ANKRD45: variants seen among roughly 807,000 people sequenced by gnomAD.
The protein encoded by ANKRD45 is ankyrin repeat domain-containing protein 45.
Under a neutral mutation model 28.1 loss-of-function variants are expected in ANKRD45, and 21 were observed. The ratio of observed to expected loss-of-function variants is 0.75; its 90% CI spans 0.53 to 1.08. The LOEUF (loss-of-function observed/expected upper bound fraction) is 1.08. Ranked by LOEUF, ANKRD45 falls within the 50% of genes least tolerant of loss-of-function variation. ANKRD45 has a pLI of 0.00. For missense variants in ANKRD45, 261 were observed against 308.7 expected (o/e 0.85, Z 1.16); for synonymous variants, 86 against 103.9 (o/e 0.83, Z 1.05).
intron 2 of ANKRD45, among the ~76,000 whole-genome samples, chr1:173,653,820 T>G (rs2102375381): frequency 6.6e-6 from 1 of 152,304 alleles, no homozygotes; most frequent in Middle Eastern, 3.4e-3. Flanking sequence ...AGTTAGCTCT[T>G]CTTGTTGAAT....
chr1:173,650,927 A>G (rs1669180512), intron 2 of ANKRD45, among the ~76,000 whole-genome samples: 1 of 152,034 alleles, frequency 6.6e-6, no homozygotes, highest in Non-Finnish European at 1.5e-5. Context: ...TCCTTTGCCC[A>G]CTTTTTGATG....
chr1:173,657,441 C>T (rs766210550), intron 2 of ANKRD45: 39 of 172,860 alleles, frequency 2.3e-4, no homozygotes, highest in South Asian at 5.7e-4. Context: ...GCACTCCAGC[C>T]TGGGTGACAG....
At chr1:173,640,727 C>G (rs1668663346) in intron 3 of ANKRD45, among the ~76,000 whole-genome samples, 1 of 152,190 alleles carries the variant, frequency 6.6e-6, no homozygotes, top group Non-Finnish European at 1.5e-5. Context: ...CTAACTGACA[C>G]AGTTATTCCT....
the ANKRD45 span, among the ~76,000 whole-genome samples, chr1:173,713,913 CTCTT>C: frequency 6.6e-6 from 1 of 152,192 alleles, no homozygotes. Context: ...TTGTGTAAAA[CTCTT>C]TCTCCATTGC....
chr1:173,653,499 A>C (rs556544427), intron 2 of ANKRD45, among the ~76,000 whole-genome samples: 7 of 152,168 alleles, frequency 4.6e-5, no homozygotes, highest in Non-Finnish European at 1.0e-4. Context: ...ACATTTGCTC[A>C]GGAGTGCTTT....
At chr1:173,688,636 CTGCCTCTTTCCT>C in the ANKRD45 span, among the ~76,000 whole-genome samples, 21 of 124,934 alleles carry the variant, frequency 1.7e-4, no homozygotes. Context: ...CTTCCTCTTT[CTGCCTCTTTCCT>C]CTCTCTCTTT....
At chr1:173,682,684 T>TACGCGCACACACACACACAC in the ANKRD45 span, among the ~76,000 whole-genome samples, 2 of 143,940 alleles carry the variant, frequency 1.4e-5, no homozygotes, top group Non-Finnish European at 3.1e-5. Flanking sequence ...GCCTTTTAAA[T>TACGCGCACACACACACACAC]ACACACACAC....
the ANKRD45 span, among the ~76,000 whole-genome samples, chr1:173,678,059 T>TA: frequency 1.3e-5 from 2 of 151,976 alleles, no homozygotes; most frequent in African/African-American, 4.8e-5. Flanking sequence ...TCATACCTTT[T>TA]AAAGGGGGAG....
At chr1:173,672,254 G>T (rs781572598), upstream of ANKRD45, among the ~76,000 whole-genome samples, 1 of 152,114 alleles carries the variant, frequency 6.6e-6, no homozygotes, top group Non-Finnish European at 1.5e-5. Flanking sequence ...TTATAGAGAG[G>T]AACAATAATC....
At position 173,608,566 on chromosome 1, in the gene ANKRD45, G is replaced by A. The variant is rs1667019056; in HGVS notation, c.*1579C>T. Among the ~76,000 whole-genome samples the A allele has an allele frequency of 6.6e-6, 1 of 151,862 alleles. No homozygotes were observed. Among genetic ancestry groups the A allele is most frequent in the South Asian group, 2.1e-4 (1 of 4,808 alleles). ...ACCGCTGACCTCAGGTGATCCGCCT[G>A]CCTTGGCCTCCCAAAGTTCTTGGAT... is the stretch of plus-strand genomic sequence containing the variant. On this transcript the variant is annotated 3_prime_UTR_variant, in exon 6 of 6. Coordinates refer to ENST00000333279, the MANE Select transcript of ANKRD45 (RefSeq NM_198493.3).
chr1:173,700,583 A>G, the ANKRD45 span, among the ~76,000 whole-genome samples: 1 of 152,362 alleles, frequency 6.6e-6, no homozygotes, highest in African/African-American at 2.4e-5. Flanking sequence ...AGGAGTCCCT[A>G]TTTAATAAAT....
At chr1:173,689,935 C>T in the ANKRD45 span, among the ~76,000 whole-genome samples, 2 of 151,896 alleles carry the variant, frequency 1.3e-5, no homozygotes, top group East Asian at 1.9e-4. Flanking sequence ...GACAGTAACT[C>T]GACCCAAGTG....
the ANKRD45 span, among the ~76,000 whole-genome samples, chr1:173,709,871 A>G: frequency 1.3e-5 from 2 of 152,138 alleles, no homozygotes; most frequent in African/African-American, 4.8e-5. Context: ...GGCTCAAGCA[A>G]TACTTCTGCC....
intron 3 of ANKRD45, among the ~76,000 whole-genome samples, chr1:173,629,762 A>T (rs1039644032): frequency 1.5e-4 from 23 of 152,208 alleles, no homozygotes; most frequent in Non-Finnish European, 2.8e-4. Context: ...AATATTAATT[A>T]AAAAAAGAAC....
chr1:173,654,093 T>A (rs1669378997), intron 2 of ANKRD45, among the ~76,000 whole-genome samples: 1 of 152,176 alleles, frequency 6.6e-6, no homozygotes, highest in Non-Finnish European at 1.5e-5. Context: ...TTGCGGCATT[T>A]ACATTTATGG....
At chr1:173,644,520 G>A (rs577134891) in intron 3 of ANKRD45, among the ~76,000 whole-genome samples, 1 of 151,814 alleles carries the variant, frequency 6.6e-6, no homozygotes, top group Non-Finnish European at 1.5e-5. Context: ...AGACATATTC[G>A]GTATAATTGC....
At chr1:173,666,034 A>T (rs1462682770) in intron 1 of ANKRD45, among the ~76,000 whole-genome samples, 1 of 152,148 alleles carries the variant, frequency 6.6e-6, no homozygotes, top group Non-Finnish European at 1.5e-5. Flanking sequence ...CAACAAAAAA[A>T]CCACAAATAA....
chr1:173,627,195 C>T (rs1188281802), intron 3 of ANKRD45, 36 bp from the exon 4 acceptor site: 2 of 1,415,494 alleles, frequency 1.4e-6, no homozygotes, highest in African/African-American at 1.5e-5. Flanking sequence ...CATGACAAGA[C>T]AAACACAAGA....
At chr1:173,692,567 A>G in the ANKRD45 span, among the ~76,000 whole-genome samples, 15 of 152,182 alleles carry the variant, frequency 9.9e-5, no homozygotes, top group Admixed American at 9.8e-4. Context: ...GGGGCCCAAG[A>G]TATTTTCCTT....
Sources: gnomAD v4.1 joint callset for allele counts (sites outside exome capture counted in the v4.1 genomes callset) on GRCh38, gnomAD v4.1.1 for gene constraint, MANE v1.5 for transcripts, NCBI Gene and HGNC (gene_info 2026-07-23, HGNC 2026-07-21) for gene names.